Variants in SEZ6 observed in about 807,000 individuals in gnomAD.
SEZ6 encodes seizure related 6 homolog.
Under a neutral mutation model 101.0 loss-of-function variants are expected in SEZ6, and 53 were observed. The observed-to-expected ratio is 0.52, with a 90% CI of 0.42 to 0.66. SEZ6 has a LOEUF of 0.66. Among genes scored for constraint, SEZ6 ranks in the 30% least tolerant of loss-of-function variants. SEZ6 has a pLI of 0.00. For missense variants in SEZ6, 1,102 were observed against 1,289.4 expected (o/e 0.85, Z 2.23); for synonymous variants, 488 against 512.2 (o/e 0.95, Z 0.64).
chr17:28,987,842 G>A (rs2041403981), intron 1 of SEZ6, among the ~76,000 whole-genome samples: 1 of 152,196 alleles, frequency 6.6e-6, no homozygotes, highest in African/African-American at 2.4e-5. Flanking sequence ...ACTTGTCCAA[G>A]GTCACGCAGC....
chr17:28,961,761 A>G (rs1043545008), intron 5 of SEZ6, among the ~76,000 whole-genome samples: 5 of 152,204 alleles, frequency 3.3e-5, no homozygotes, highest in African/African-American at 1.2e-4. Flanking sequence ...GTCCTCAGGC[A>G]AGAGGAGTAT....
chr17:28,956,830 G>A, intron 13 of SEZ6, 73 bp from the exon 14 acceptor site: 3 of 1,502,698 alleles, frequency 2.0e-6, no homozygotes, highest in South Asian at 2.4e-5. Flanking sequence ...GGGAGAGGAG[G>A]TAGTGGGATG....
chr17:28,956,113 A>G (rs1318276963), intron 16 of SEZ6, 46 bp downstream of exon 16: 28 of 1,599,576 alleles, frequency 1.8e-5, no homozygotes, highest in Non-Finnish European at 2.2e-5. Context: ...AAAGAAGCAA[A>G]GAACTGGGTC....
At chr17:28,992,543 A>AC (rs2041476830) in intron 1 of SEZ6, among the ~76,000 whole-genome samples, 1 of 151,894 alleles carries the variant, frequency 6.6e-6, no homozygotes, top group African/African-American at 2.4e-5. Flanking sequence ...GAAAGGCCCT[A>AC]CCCCCCAAAA....
Position 28,960,721 on chromosome 17 carries a change from G to T in SEZ6, c.1410-50C>A, listed in dbSNP as rs559238452. Reference sequence around the variant, plus strand: ...GTAGGCTGGTGGCTGACCCAGATGGGGTGTGGCCCCAGGCTTGGGTAGCGT... The same window carrying T: ...GTAGGCTGGTGGCTGACCCAGATGGTGTGTGGCCCCAGGCTTGGGTAGCGT... On this transcript the variant is annotated intron_variant, in intron 6 of 16. Transcript: ENST00000317338. 1.4e-5 allele frequency: 23 copies of T among 1,612,138 alleles called. No individual in the cohort carries two copies. The South Asian group carries it at 2.3e-4, about 16-fold the overall frequency.
At chr17:28,967,607 G>T (rs1021965421) in intron 4 of SEZ6, among the ~76,000 whole-genome samples, 3 of 152,176 alleles carry the variant, frequency 2.0e-5, no homozygotes, top group Non-Finnish European at 4.4e-5. Context: ...AGTGGAGGAG[G>T]TTAAGAGGTT....
chr17:28,962,249 A>G (rs994783988), intron 5 of SEZ6, among the ~76,000 whole-genome samples: 1 of 152,078 alleles, frequency 6.6e-6, no homozygotes, highest in Non-Finnish European at 1.5e-5. Context: ...TCCCAAACTA[A>G]TATTTCTGAA....
Position 28,955,471 on chromosome 17 carries a change from C to T in SEZ6, c.*491G>A, listed in dbSNP as rs991942169. ...CTCCCAAGAGGCTGATGTTGGCATG[C>T]CAGGACTACCCAGAGGTCACCGTTG... On this transcript the variant is annotated 3_prime_UTR_variant, in exon 17 of 17. Transcript: ENST00000317338. 2 of 367,034 alleles carry T rather than the reference C, an allele frequency of 5.4e-6. No homozygotes were observed. Among genetic ancestry groups the T allele is most frequent in the Non-Finnish European group, 1.1e-5 (2 of 183,492 alleles). 22.7% of individuals were successfully genotyped at this position (367,034 alleles called of 1,614,324 possible).
In SEZ6 at chr17:28,981,764, C is replaced by T; in HGVS notation, c.331G>A (p.Ala111Thr). 6.2e-7 allele frequency: 1 copy of T among 1,611,306 alleles called. No homozygotes were observed. ...AAGACAGGGCGGCTGTCCTGGTTGG[C>T]CAGGCGGGGAAGGGGACTTGGGGTG... ...PFTPSPLPRLANQDSRPVFTS... is the reference protein window; with the variant it reads ...PFTPSPLPRLTNQDSRPVFTS... The change falls in exon 2 of 17, where the codon GCC becomes ACC. Residue 111 changes from alanine to threonine, a missense_variant. Ala to Thr is a moderately conservative substitution (Grantham distance 58). Coordinates refer to ENST00000317338, the MANE Select transcript of SEZ6 (RefSeq NM_178860.5).
intron 3 of SEZ6, among the ~76,000 whole-genome samples, chr17:28,970,809 C>T (rs112567680): frequency 1.1e-4 from 16 of 152,302 alleles, no homozygotes; most frequent in South Asian, 2.1e-4. Context: ...TCTGTGAAGC[C>T]GATAATATGT....
At chr17:28,983,051 A>G (rs1478845673) in intron 1 of SEZ6, among the ~76,000 whole-genome samples, 1 of 152,086 alleles carries the variant, frequency 6.6e-6, no homozygotes, top group African/African-American at 2.4e-5. Context: ...TTCTGTTTTT[A>G]TGGTCCTTCT....
intron 7 of SEZ6, 162 bp downstream of exon 7, chr17:28,960,341 AAG>A (rs2040956078): frequency 2.2e-6 from 2 of 922,988 alleles, no homozygotes; most frequent in Admixed American, 2.2e-5. Context: ...CCCGGACCCA[AAG>A]AGAGGGGCAG....
chr17:29,000,253 T>C (rs1025176870), intron 1 of SEZ6, among the ~76,000 whole-genome samples: 5 of 152,212 alleles, frequency 3.3e-5, no homozygotes, highest in Non-Finnish European at 7.3e-5. Flanking sequence ...GTGGACATAG[T>C]GCTAGCTGAA....
chr17:28,996,698 G>A (rs934188166), intron 1 of SEZ6, among the ~76,000 whole-genome samples: 2 of 152,122 alleles, frequency 1.3e-5, no homozygotes, highest in Non-Finnish European at 2.9e-5. Flanking sequence ...TCAAGGACAG[G>A]TGAACGAGCC....
chr17:28,997,161 A>T (rs1246639186), intron 1 of SEZ6, among the ~76,000 whole-genome samples: 1 of 151,936 alleles, frequency 6.6e-6, no homozygotes, highest in Non-Finnish European at 1.5e-5. Flanking sequence ...GATGCGTGGG[A>T]ATTGAGGGAA....
chr17:28,957,778 AC>A, intron 11 of SEZ6, 168 bp downstream of exon 11: 2 of 904,294 alleles, frequency 2.2e-6, no homozygotes, highest in Non-Finnish European at 3.3e-6. Flanking sequence ...GTGGCTGATA[AC>A]CCCATGAAAA....
Position 28,960,892 on chromosome 17 carries a change from A to G in SEZ6, c.1322T>C (p.Leu441Pro), listed in dbSNP as rs1480628490. 1 of 1,613,868 alleles carries G rather than the reference A, an allele frequency of 6.2e-7. No homozygotes were observed. The highest frequency in any genetic ancestry group is 8.5e-7 in the Non-Finnish European group (1 of 1,179,838). ...AGCCTCAAGCAGCCAGTGACAGGTG[A>G]GGTTGTTGCTGTAGTTGCCCGGGAA... is the stretch of plus-strand genomic sequence containing the variant. ...PGFPGNYSNN[L>P]TCHWLLEAPE... The change falls in exon 6 of 17, where the codon CTC becomes CCC. Residue 441 changes from leucine (L) to proline (P), a missense_variant. Around this residue, in one of 3 missense-constraint regions of SEZ6, gnomAD observed 556 missense variants for 735.1 expected, o/e 0.76. Coordinates refer to ENST00000317338, the MANE Select transcript of SEZ6 (RefSeq NM_178860.5).
At position 29,004,316 on chromosome 17, in the gene SEZ6, C is replaced by A. The variant is rs144159435; in HGVS notation, c.55+1499G>T. 1.7e-4 allele frequency among the ~76,000 whole-genome samples: 26 copies of A among 152,320 alleles called. No individual in the cohort carries two copies. The East Asian group carries it at 4.8e-3, about 28-fold the overall frequency. ...CAGGACCCAAGATAGGTTCGGAATT[C>A]CTAGGGACATCCCCAGGCAGCTAGG... is the stretch of plus-strand genomic sequence containing the variant. On this transcript the variant is annotated intron_variant, in intron 1 of 16. Transcript: ENST00000317338.
At chr17:28,969,988 C>T (rs1196947417) in intron 3 of SEZ6, 36 bp from the exon 4 acceptor site, 6 of 1,503,204 alleles carry the variant, frequency 4.0e-6, no homozygotes, top group Middle Eastern at 1.7e-4. Flanking sequence ...GCAAAGTAGT[C>T]AGACTTCTTC....
Sources: allele counts gnomAD v4.1 joint callset (sites outside exome capture counted in the v4.1 genomes callset), GRCh38; gene constraint gnomAD v4.1.1; regional missense constraint gnomAD v4.1.1; transcripts MANE v1.5; gene names NCBI Gene and HGNC (gene_info 2026-07-23, HGNC 2026-07-21).